Variants in FBXL17 observed in about 807,000 individuals in gnomAD.
FBXL17 encodes F-box/LRR-repeat protein 17.
FBXL17 carries 22 observed loss-of-function variants against 66.2 expected under a neutral mutation model. The observed-to-expected ratio is 0.33, with a 90% confidence interval of 0.24 to 0.47. The LOEUF is 0.47. FBXL17 is among the 20% of genes least tolerant of loss of function. The pLI, the probability that FBXL17 is intolerant of heterozygous loss-of-function variation, is 1.00. For synonymous variants in FBXL17, 474 were observed against 400.5 expected (o/e 1.18, Z -2.19); for missense variants, 878 against 948.2 (o/e 0.93, Z 0.97).
At chr5:108,348,749 C>T (rs957734890) in intron 3 of FBXL17, among the ~76,000 whole-genome samples, 2 of 152,156 alleles carry the variant, frequency 1.3e-5, no homozygotes, top group African/African-American at 4.8e-5. Context: ...ACTCACATTA[C>T]AAGCCCTCCA....
chr5:108,228,566 G>A (rs1367364670), intron 4 of FBXL17, among the ~76,000 whole-genome samples: 1 of 152,150 alleles, frequency 6.6e-6, no homozygotes, highest in East Asian at 1.9e-4. Context: ...GATAATGCAT[G>A]TAAAATATTT....
intron 7 of FBXL17, among the ~76,000 whole-genome samples, chr5:107,898,716 T>C (rs1188716214): frequency 6.6e-6 from 1 of 152,068 alleles, no homozygotes. Flanking sequence ...TGAGAACATG[T>C]GGTGTTTGCT....
chr5:107,891,601 C>T (rs1264976853), intron 7 of FBXL17, among the ~76,000 whole-genome samples: 5 of 151,940 alleles, frequency 3.3e-5, no homozygotes, highest in Non-Finnish European at 1.5e-5. Context: ...AGCATATGCT[C>T]ATAGATTGAA....
intron 8 of FBXL17, among the ~76,000 whole-genome samples, chr5:107,872,494 T>C (rs910584135): frequency 6.6e-6 from 1 of 152,212 alleles, no homozygotes; most frequent in Admixed American, 6.5e-5. Context: ...TTCAAATACA[T>C]AAAGCAGTAA....
intron 4 of FBXL17, among the ~76,000 whole-genome samples, chr5:108,236,290 T>G (rs140996167): frequency 6.7e-6 from 1 of 149,546 alleles, no homozygotes; most frequent in Non-Finnish European, 1.5e-5. Flanking sequence ...GGCAGGAGGA[T>G]CATTTGAGGT....
chr5:108,192,974 T>C (rs1753528395), intron 5 of FBXL17, among the ~76,000 whole-genome samples: 1 of 152,344 alleles, frequency 6.6e-6, no homozygotes, highest in South Asian at 2.1e-4. Flanking sequence ...TTCTATCACT[T>C]CAGGACTCTG....
intron 6 of FBXL17, among the ~76,000 whole-genome samples, chr5:108,177,137 A>C (rs1389815571): frequency 3.3e-5 from 5 of 152,224 alleles, no homozygotes; most frequent in Admixed American, 2.6e-4. Context: ...ATTTGTAAAA[A>C]TAATTGTGCA....
At chr5:108,128,740 A>G (rs1195746923) in intron 6 of FBXL17, among the ~76,000 whole-genome samples, 1 of 152,172 alleles carries the variant, frequency 6.6e-6, no homozygotes, top group African/African-American at 2.4e-5. Flanking sequence ...AATGAGATAT[A>G]GATCACTCAA....
At chr5:108,171,222 T>C (rs111897677) in intron 6 of FBXL17, among the ~76,000 whole-genome samples, 3,183 of 152,314 alleles carry the variant, frequency 0.021, 120 homozygotes, top group African/African-American at 0.072. Flanking sequence ...ACTTACTTTA[T>C]TGTAATGTTA....
intron 6 of FBXL17, among the ~76,000 whole-genome samples, chr5:108,041,406 G>GT (rs894801583): frequency 8.6e-5 from 13 of 151,810 alleles, no homozygotes; most frequent in African/African-American, 2.7e-4. Flanking sequence ...TTGCCTTTTT[G>GT]TTTTTTTGTT....
chr5:108,199,642 TTTAAATCTTATATTATG>T (rs1212728639), intron 5 of FBXL17, among the ~76,000 whole-genome samples: 1 of 152,152 alleles, frequency 6.6e-6, no homozygotes, highest in Non-Finnish European at 1.5e-5. Context: ...TCAGGTCTAA[TTTAAATCTTATATTATG>T]TTCAATTCTC....
At position 108,009,286 on chromosome 5, in the gene FBXL17, T is replaced by TAGATAGATAGATAGATAG. The variant is rs1172522525; in HGVS notation, c.1822+11638_1822+11639insCTATCTATCTATCTATCT. 3.7e-3 allele frequency among the ~76,000 whole-genome samples: 201 copies of TAGATAGATAGATAGATAG among 53,766 alleles called. 34 individuals are homozygous for TAGATAGATAGATAGATAG. Among genetic ancestry groups the TAGATAGATAGATAGATAG allele is most frequent in the Middle Eastern group, 0.014 (2 of 140 alleles). The allele number at this position is 53,766 out of a possible 152,430, so 35.3% of individuals were successfully genotyped here. The stretch of plus-strand genomic sequence containing the variant: ...TTATATATATATATATATATATATA[T>TAGATAGATAGATAGATAG]ATATATATATATATACATATATACA... On this transcript the variant is annotated intron_variant, in intron 7 of 8. Coordinates refer to ENST00000542267, the MANE Select transcript of FBXL17 (RefSeq NM_001163315.3).
At chr5:108,097,591 C>A (rs1408699154) in intron 6 of FBXL17, among the ~76,000 whole-genome samples, 1 of 151,784 alleles carries the variant, frequency 6.6e-6, no homozygotes, top group African/African-American at 2.4e-5. Flanking sequence ...GAGTTCGAGA[C>A]CAGCCTGACC....
intron 5 of FBXL17, among the ~76,000 whole-genome samples, chr5:108,200,273 A>T (rs545923108): frequency 1.3e-5 from 2 of 152,130 alleles, no homozygotes; most frequent in East Asian, 3.9e-4. Flanking sequence ...CCCCCCATAG[A>T]ATATATATAG....
chr5:108,296,488 T>C (rs1561513133), intron 4 of FBXL17, among the ~76,000 whole-genome samples: 2 of 151,772 alleles, frequency 1.3e-5, no homozygotes, highest in Admixed American at 1.3e-4. Context: ...GTTTAGAAAG[T>C]ACAACCTAAA....
intron 6 of FBXL17, among the ~76,000 whole-genome samples, chr5:108,082,417 T>C (rs959794818): frequency 4.6e-5 from 7 of 152,182 alleles, no homozygotes; most frequent in African/African-American, 1.4e-4. Context: ...TATCAATAAG[T>C]GCTTAGAATA....
At chr5:108,080,704 T>C (rs1370992750) in intron 6 of FBXL17, among the ~76,000 whole-genome samples, 1 of 152,130 alleles carries the variant, frequency 6.6e-6, no homozygotes, top group Non-Finnish European at 1.5e-5. Flanking sequence ...AGTGGGGGTT[T>C]CCAGGTCTTG....
chr5:108,090,678 ATCTT>A (rs776578217), intron 6 of FBXL17, among the ~76,000 whole-genome samples: 64 of 152,232 alleles, frequency 4.2e-4, no homozygotes, highest in Non-Finnish European at 5.7e-4. Context: ...ATGATAAGTT[ATCTT>A]TCTTTTTTAA....
At position 108,348,380 on chromosome 5, in the gene FBXL17, G is replaced by GA. The variant is rs775581606; in HGVS notation, c.1506+18dup. On this transcript the variant is annotated intron_variant, in intron 4 of 8. Transcript: ENST00000542267. Reference sequence around the variant, plus strand: ...TTAGGAACAAAATGAACAATACAAGGATGATAACAAGTACTTACTAATTTG... The same window carrying GA: ...TTAGGAACAAAATGAACAATACAAGGAATGATAACAAGTACTTACTAATTTG... 2.5e-6 allele frequency: 4 copies of GA among 1,603,268 alleles called. No homozygotes were observed. The highest frequency in any genetic ancestry group is 1.3e-5 in the African/African-American group (1 of 74,844).
Sources: allele counts gnomAD v4.1 joint callset (sites outside exome capture counted in the v4.1 genomes callset), GRCh38; gene constraint gnomAD v4.1.1; transcripts MANE v1.5; gene names NCBI Gene and HGNC (gene_info 2026-07-23, HGNC 2026-07-21).